The following UQCC1 variants were observed in gnomAD, a reference collection of about 807,000 sequenced individuals.
The protein encoded by UQCC1 is bFGF-repressed Zic-binding protein.
Under a neutral mutation model 48.0 loss-of-function variants are expected in UQCC1, and 38 were observed. The ratio of observed to expected loss-of-function variants is 0.79; its 90% confidence interval spans 0.61 to 1.04. The LOEUF is 1.04. Ranked by LOEUF, UQCC1 falls within the 50% of genes least tolerant of loss-of-function variation. The probability of loss-of-function intolerance (pLI) is 0.00; values close to 1 mark genes in which losing one functional copy is unlikely to be tolerated. For synonymous variants in UQCC1, 111 were observed against 129.2 expected (o/e 0.86, Z 0.95); for missense variants, 368 against 381.8 (o/e 0.96, Z 0.30).
intron 7 of UQCC1, among the ~76,000 whole-genome samples, chr20:35,329,329 G>A (rs2061231585): frequency 6.6e-6 from 1 of 152,198 alleles, no homozygotes; most frequent in African/African-American, 2.4e-5. Context: ...CTGAGCATCA[G>A]TAGGACAGTT....
At chr20:35,411,199 T>G (rs1218500386) in intron 1 of UQCC1, among the ~76,000 whole-genome samples, 1 of 152,178 alleles carries the variant, frequency 6.6e-6, no homozygotes, top group Non-Finnish European at 1.5e-5. Flanking sequence ...CTTTCTTTTC[T>G]CCTTTAATTG....
At chr20:35,308,633 C>T (rs1446373610) in intron 8 of UQCC1, among the ~76,000 whole-genome samples, 4 of 152,356 alleles carry the variant, frequency 2.6e-5, no homozygotes, top group Non-Finnish European at 5.9e-5. Flanking sequence ...CTGTTTCAGA[C>T]TGTTAGGGTT....
At chr20:35,374,287 A>G (rs757917010) in intron 4 of UQCC1, 31 bp from the exon 5 acceptor site, 1 of 1,554,250 alleles carries the variant, frequency 6.4e-7, no homozygotes, top group South Asian at 1.2e-5. Context: ...CAAACTCAAG[A>G]CATGACCAAG....
At chr20:35,310,978 G>A (rs957320004) in intron 8 of UQCC1, among the ~76,000 whole-genome samples, 6 of 151,176 alleles carry the variant, frequency 4.0e-5, no homozygotes, top group South Asian at 2.1e-4. Context: ...GATTACAGGC[G>A]TGAGCCACTG....
intron 7 of UQCC1, among the ~76,000 whole-genome samples, chr20:35,340,429 A>G (rs2061364472): frequency 6.6e-6 from 1 of 152,342 alleles, no homozygotes; most frequent in South Asian, 2.1e-4. Flanking sequence ...GAAACTTTCA[A>G]AAGAACAACT....
chr20:35,317,602 G>A (rs1008722420), intron 7 of UQCC1, among the ~76,000 whole-genome samples: 4 of 152,202 alleles, frequency 2.6e-5, no homozygotes, highest in African/African-American at 9.7e-5. Flanking sequence ...GGGTACACAC[G>A]TGGTTTAGAG....
chr20:35,383,812 C>T (rs570945372), intron 3 of UQCC1, among the ~76,000 whole-genome samples: 1 of 152,152 alleles, frequency 6.6e-6, no homozygotes, highest in South Asian at 2.1e-4. Context: ...GAAGGCACCA[C>T]TCTACTCTAG....
At chr20:35,331,034 T>G (rs770518798) in intron 7 of UQCC1, among the ~76,000 whole-genome samples, 10 of 151,920 alleles carry the variant, frequency 6.6e-5, no homozygotes, top group Non-Finnish European at 1.5e-4. Flanking sequence ...GGAGAAGGAG[T>G]ATAGCCACAA....
intron 9 of UQCC1, among the ~76,000 whole-genome samples, chr20:35,305,648 C>T (rs1167036605): frequency 6.6e-6 from 1 of 152,242 alleles, no homozygotes; most frequent in Non-Finnish European, 1.5e-5. Flanking sequence ...ATTCTCTACC[C>T]TGTGGGTCTG....
In UQCC1 at chr20:35,380,871, C is replaced by T. The variant is rs562801629; in HGVS notation, c.333+1047G>A. ...TTTTGGATGCTTTGCATTATACTTA[C>T]CAGCTGAGCATCCCAAATCCAAAAA... On this transcript the variant is annotated intron_variant, in intron 4 of 9. Transcript: ENST00000374385. Among the ~76,000 whole-genome samples, 5 of 152,298 alleles carry T rather than the reference C, an allele frequency of 3.3e-5. No individual in the cohort carries two copies. In the East Asian group the frequency reaches 9.6e-4, roughly 29 times the overall value.
At chr20:35,394,501 A>C (rs2062051459) in intron 1 of UQCC1, among the ~76,000 whole-genome samples, 1 of 152,100 alleles carries the variant, frequency 6.6e-6, no homozygotes, top group Non-Finnish European at 1.5e-5. Flanking sequence ...CCAACTCCTC[A>C]AGGCATCCCC....
At position 35,306,731 on chromosome 20, in the gene UQCC1, A is replaced by C; in HGVS notation, c.700T>G (p.Phe234Val). The change falls in exon 9 of 10, where the codon TTC becomes GTC. Residue 234 changes from phenylalanine (F) to valine (V), a missense_variant. Transcript: ENST00000374385. ...GGGTCTTCACATTTCCGGTTGAAGA[A>C]GGTTCTCCAGAGGGCAGCGGCCAGC... ...HGLAAALWRT[F>V]FNRKCEDPRH... The C allele has an allele frequency of 6.2e-7, 1 of 1,614,062 alleles. No individual in the cohort carries two copies. Among genetic ancestry groups the C allele is most frequent in the South Asian group, 1.1e-5 (1 of 91,082 alleles).
intron 6 of UQCC1, among the ~76,000 whole-genome samples, chr20:35,359,930 G>A (rs374010901): frequency 3.3e-5 from 5 of 152,102 alleles, no homozygotes; most frequent in Non-Finnish European, 1.5e-5. Flanking sequence ...TAACCCTTCT[G>A]GGGGGAGCAT....
At chr20:35,331,449 A>T (rs1414720082) in intron 7 of UQCC1, among the ~76,000 whole-genome samples, 1 of 151,986 alleles carries the variant, frequency 6.6e-6, no homozygotes, top group African/African-American at 2.4e-5. Context: ...AGGAGGTGTG[A>T]GAAAACTCAC....
Position 35,346,620 on chromosome 20 carries a change from C to CAT in UQCC1, c.573+542_573+543dup, listed in dbSNP as rs200114331. ...TCTATTGTCATTACATCCCATGTGA[C>CAT]ATATATATATATATAATATATTCCC... On this transcript the variant is annotated intron_variant, in intron 7 of 9. Transcript: ENST00000374385. 235 of 168,258 alleles carry CAT rather than the reference C, an allele frequency of 1.4e-3. 1 individual carries two copies. Among genetic ancestry groups the CAT allele is most frequent in the Non-Finnish European group, 2.0e-3 (155 of 77,166 alleles). 10.4% of individuals were successfully genotyped at this position (168,258 alleles called of 1,614,324 possible).
chr20:35,382,370 G>A (rs550842528), intron 3 of UQCC1, among the ~76,000 whole-genome samples: 1 of 152,116 alleles, frequency 6.6e-6, no homozygotes, highest in South Asian at 2.1e-4. Flanking sequence ...CAAACTCTTG[G>A]CCTCAAGCAA....
chr20:35,393,368 T>C (rs1346809851), intron 2 of UQCC1, among the ~76,000 whole-genome samples: 2 of 152,064 alleles, frequency 1.3e-5, no homozygotes, highest in African/African-American at 4.8e-5. Flanking sequence ...ACAAAGTCTA[T>C]CAAAACAATA....
At chr20:35,371,489 C>G (rs558698806) in intron 5 of UQCC1, among the ~76,000 whole-genome samples, 6 of 151,832 alleles carry the variant, frequency 4.0e-5, no homozygotes, top group East Asian at 1.9e-4. Context: ...AGGCACCCAC[C>G]ACCATGCCCA....
At chr20:35,336,850 TG>T (rs1195342499) in intron 7 of UQCC1, among the ~76,000 whole-genome samples, 1 of 152,162 alleles carries the variant, frequency 6.6e-6, no homozygotes, top group African/African-American at 2.4e-5. Context: ...GTAAAGTGCA[TG>T]AAAAAAAGAA....
Sources: gnomAD v4.1 joint callset for allele counts (sites outside exome capture counted in the v4.1 genomes callset) on GRCh38, gnomAD v4.1.1 for gene constraint, MANE v1.5 for transcripts, NCBI Gene and HGNC (gene_info 2026-07-23, HGNC 2026-07-21) for gene names.